CERS6: variants seen among roughly 807,000 people sequenced by gnomAD.
CERS6 encodes the protein ceramide synthase 6.
Under a neutral mutation model 56.8 loss-of-function variants are expected in CERS6, and 26 were observed. The observed-to-expected ratio is 0.46, with a 90% CI of 0.34 to 0.63. The LOEUF (loss-of-function observed/expected upper bound fraction) is 0.63. Ranked by LOEUF, CERS6 falls within the 30% of genes least tolerant of loss-of-function variation. The pLI is 0.01. For synonymous variants in CERS6, 164 were observed against 173.3 expected (o/e 0.95, Z 0.42); for missense variants, 415 against 467.5 (o/e 0.89, Z 1.04).
chr2:168,555,738 G>GTGTGTGTGTGTA (rs1484785114), intron 2 of CERS6, among the ~76,000 whole-genome samples: 1 of 150,908 alleles, frequency 6.6e-6, no homozygotes, highest in African/African-American at 2.4e-5. Context: ...GTGTGTGTGT[G>GTGTGTGTGTGTA]TGTGTGTGTG....
chr2:168,661,571 C>CAG (rs910063670), intron 4 of CERS6, among the ~76,000 whole-genome samples: 80 of 152,312 alleles, frequency 5.3e-4, no homozygotes, highest in African/African-American at 1.9e-3. Flanking sequence ...ATTAGTAGTT[C>CAG]AGAGGGGTAT....
chr2:168,766,555 A>C (rs1406082129), intron 9 of CERS6, among the ~76,000 whole-genome samples: 2 of 152,236 alleles, frequency 1.3e-5, no homozygotes, highest in Non-Finnish European at 2.9e-5. Flanking sequence ...TATTCTGCTA[A>C]ATGTTGCATG....
At chr2:168,633,494 T>C (rs1684795880) in intron 4 of CERS6, among the ~76,000 whole-genome samples, 1 of 152,124 alleles carries the variant, frequency 6.6e-6, no homozygotes, top group Admixed American at 6.5e-5. Flanking sequence ...AAACACATGC[T>C]CCTCTTTCTT....
chr2:168,767,517 A>G (rs1443182932), intron 9 of CERS6, among the ~76,000 whole-genome samples: 1 of 152,062 alleles, frequency 6.6e-6, no homozygotes, highest in Non-Finnish European at 1.5e-5. Flanking sequence ...GCCATTTTGG[A>G]GTCTTAGTAT....
intron 1 of CERS6, among the ~76,000 whole-genome samples, chr2:168,467,299 G>A (rs1262850834): frequency 2.6e-5 from 4 of 152,176 alleles, no homozygotes; most frequent in African/African-American, 9.6e-5. Context: ...CCATTTCAAA[G>A]CAGAATAAAG....
chr2:168,624,211 G>A (rs939042904), intron 3 of CERS6, among the ~76,000 whole-genome samples: 3 of 152,136 alleles, frequency 2.0e-5, no homozygotes, highest in Non-Finnish European at 4.4e-5. Context: ...ACGTTATTTA[G>A]AGAAATGAAG....
intron 1 of CERS6, among the ~76,000 whole-genome samples, chr2:168,492,736 T>C (rs1330669898): frequency 1.3e-5 from 2 of 152,312 alleles, no homozygotes; most frequent in East Asian, 3.9e-4. Flanking sequence ...TCTAAGATTT[T>C]TATGATTTTA....
At position 168,770,014 on chromosome 2, in the gene CERS6, T is replaced by G. The variant is rs1385557976; in HGVS notation, c.*352T>G. ...ACAGTGAAGGAGATGCTCCATCTGC[T>G]TCTCCCCCTTTCTCTTGCTGTAGTC... is the stretch of plus-strand genomic sequence containing the variant. On this transcript the variant is annotated 3_prime_UTR_variant, in exon 10 of 10. Coordinates refer to ENST00000305747, the MANE Select transcript of CERS6 (RefSeq NM_203463.3). The G allele has an allele frequency of 7.9e-6, 2 of 254,452 alleles. No homozygotes were observed. The highest frequency in any genetic ancestry group is 1.5e-5 in the Non-Finnish European group (2 of 133,814). 15.8% of individuals were successfully genotyped at this position (254,452 alleles called of 1,614,324 possible).
intron 4 of CERS6, among the ~76,000 whole-genome samples, chr2:168,671,435 C>T (rs576275148): frequency 3.7e-4 from 56 of 152,248 alleles, no homozygotes; most frequent in Non-Finnish European, 6.2e-4. Context: ...ACTATTGGAG[C>T]TTGTTATAGA....
At chr2:168,729,152 A>G (rs146964859) in intron 8 of CERS6, among the ~76,000 whole-genome samples, 3 of 152,292 alleles carry the variant, frequency 2.0e-5, no homozygotes, top group South Asian at 2.1e-4. Flanking sequence ...TGCTCAAGGT[A>G]TTACAAGATG....
At chr2:168,601,896 G>T (rs1349489012) in intron 3 of CERS6, among the ~76,000 whole-genome samples, 2 of 152,148 alleles carry the variant, frequency 1.3e-5, no homozygotes, top group Non-Finnish European at 2.9e-5. Context: ...TTTATTCATA[G>T]ATCTTATATT....
intron 7 of CERS6, among the ~76,000 whole-genome samples, chr2:168,716,548 A>G (rs1426751157): frequency 6.6e-6 from 1 of 152,190 alleles, no homozygotes; most frequent in African/African-American, 2.4e-5. Context: ...TAAACATTAT[A>G]AAGTAAATAA....
At chr2:168,739,629 G>T (rs1046337528) in intron 8 of CERS6, among the ~76,000 whole-genome samples, 1 of 151,932 alleles carries the variant, frequency 6.6e-6, no homozygotes, top group African/African-American at 2.4e-5. Context: ...ATTTACTCTT[G>T]TTATTTTATG....
At chr2:168,760,162 C>A (rs1441626035) in intron 8 of CERS6, among the ~76,000 whole-genome samples, 1 of 152,078 alleles carries the variant, frequency 6.6e-6, no homozygotes, top group African/African-American at 2.4e-5. Context: ...AGAGACAGAA[C>A]TAATAGGAGG....
chr2:168,522,464 A>T (rs1291602022), intron 1 of CERS6, among the ~76,000 whole-genome samples: 3 of 152,242 alleles, frequency 2.0e-5, no homozygotes, highest in Non-Finnish European at 4.4e-5. Context: ...TATTTAAAAA[A>T]TAATTTAGTT....
At chr2:168,538,976 T>TAACTACC (rs1283126110) in intron 1 of CERS6, among the ~76,000 whole-genome samples, 7,301 of 8,636 alleles carry the variant, frequency 0.85, 3,634 homozygotes, top group Middle Eastern at 1. Flanking sequence ...TTTTTTTTTT[T>TAACTACC]TTTTTTTGAG....
intron 4 of CERS6, among the ~76,000 whole-genome samples, chr2:168,682,404 G>A (rs1032514599): frequency 2.0e-5 from 3 of 152,154 alleles, no homozygotes; most frequent in Non-Finnish European, 4.4e-5. Context: ...TTTTTAGTGT[G>A]TGTGTCTAAA....
At chr2:168,614,522 G>T (rs1213638974) in intron 3 of CERS6, among the ~76,000 whole-genome samples, 3 of 152,228 alleles carry the variant, frequency 2.0e-5, no homozygotes, top group African/African-American at 7.2e-5. Context: ...ACTTGGTGCT[G>T]TTGTGGGGTG....
intron 8 of CERS6, among the ~76,000 whole-genome samples, chr2:168,730,594 C>T (rs977845646): frequency 2.0e-5 from 3 of 152,180 alleles, no homozygotes; most frequent in Non-Finnish European, 4.4e-5. Flanking sequence ...TCCCCAGCCA[C>T]CCTGTGGATT....
Sources: gnomAD v4.1 joint callset for allele counts (sites outside exome capture counted in the v4.1 genomes callset) on GRCh38, gnomAD v4.1.1 for gene constraint, MANE v1.5 for transcripts, NCBI Gene and HGNC (gene_info 2026-07-23, HGNC 2026-07-21) for gene names.